The following KIF26B variants were observed in gnomAD, a reference collection of about 807,000 sequenced individuals.
KIF26B encodes kinesin family member 26B.
KIF26B carries 63 observed loss-of-function variants against 151.2 expected under a neutral mutation model. The observed-to-expected ratio is 0.42, with a 90% CI of 0.34 to 0.51. The LOEUF (loss-of-function observed/expected upper bound fraction) is 0.51. KIF26B is among the 20% of genes least tolerant of loss of function. The pLI is 0.07. For missense variants in KIF26B, 2,813 were observed against 2,913.6 expected (o/e 0.97, Z 0.79); for synonymous variants, 1,357 against 1,262.1 (o/e 1.08, Z -1.59).
chr1:245,346,367 G>A (rs572314277), intron 2 of KIF26B, among the ~76,000 whole-genome samples: 236 of 152,172 alleles, frequency 1.6e-3, no homozygotes, highest in African/African-American at 5.4e-3. Context: ...GAACCACCAC[G>A]TTTGGTGCTA....
chr1:245,353,265 G>C (rs977732405), intron 2 of KIF26B, among the ~76,000 whole-genome samples: 1 of 152,128 alleles, frequency 6.6e-6, no homozygotes, highest in African/African-American at 2.4e-5. Flanking sequence ...TCACATACTA[G>C]CTTGGGCTTG....
At chr1:245,422,147 C>T (rs565849290) in intron 4 of KIF26B, among the ~76,000 whole-genome samples, 2 of 152,240 alleles carry the variant, frequency 1.3e-5, no homozygotes, top group East Asian at 3.9e-4. Flanking sequence ...CTATTACTTT[C>T]TGTGCAGTGA....
At position 245,602,841 on chromosome 1, in the gene KIF26B, C is replaced by A; in HGVS notation, c.1557+58C>A. ...CGTTGATGAAAGGGCAACGTTTACTCATTCACAAGGGCCCTTGAGCTGGGA... is the reference window on the plus strand; with the variant it reads ...CGTTGATGAAAGGGCAACGTTTACTAATTCACAAGGGCCCTTGAGCTGGGA... On this transcript the variant is annotated intron_variant, in intron 6 of 14. Coordinates refer to ENST00000407071, the MANE Select transcript of KIF26B (RefSeq NM_018012.4). The surrounding 1 kb of genome is among the most constrained non-coding windows in gnomAD (Gnocchi z 4.5). The A allele has an allele frequency of 6.7e-7, 1 of 1,503,676 alleles. No individual in the cohort carries two copies. The highest frequency in any genetic ancestry group is 1.4e-5 in the African/African-American group (1 of 72,888). 93.1% of individuals were successfully genotyped at this position (1,503,676 alleles called of 1,614,324 possible).
intron 10 of KIF26B, among the ~76,000 whole-genome samples, chr1:245,662,689 AATATATATATAAACC>A (rs1271639548): frequency 1.9e-4 from 4 of 21,016 alleles, no homozygotes; most frequent in Non-Finnish European, 4.6e-4. Flanking sequence ...ATATATATAC[AATATATATATAAACC>A]CAATGATACA....
chr1:245,638,751 T>G (rs916974902), intron 9 of KIF26B, among the ~76,000 whole-genome samples: 4 of 151,894 alleles, frequency 2.6e-5, no homozygotes, highest in Non-Finnish European at 5.9e-5. Context: ...ATTCATATAT[T>G]TTCCTTGATT....
intron 9 of KIF26B, among the ~76,000 whole-genome samples, chr1:245,613,076 G>C (rs920840096): frequency 4.6e-5 from 7 of 152,156 alleles, no homozygotes; most frequent in African/African-American, 1.7e-4. Flanking sequence ...GGGGCTGCTG[G>C]GCTGGCCGGG....
intron 9 of KIF26B, among the ~76,000 whole-genome samples, chr1:245,620,460 C>T (rs1282786028): frequency 2.6e-5 from 4 of 152,014 alleles, no homozygotes; most frequent in Non-Finnish European, 4.4e-5. Context: ...AGTGCAGTGG[C>T]GCTATCTTGG....
chr1:245,357,761 G>A (rs1193701628), intron 2 of KIF26B, among the ~76,000 whole-genome samples: 11 of 152,150 alleles, frequency 7.2e-5, no homozygotes, highest in Non-Finnish European at 2.9e-5. Context: ...ACAGAGGGAG[G>A]CTGGTGCTGG....
At chr1:245,234,844 C>G (rs1463435113) in intron 2 of KIF26B, among the ~76,000 whole-genome samples, 1 of 152,186 alleles carries the variant, frequency 6.6e-6, no homozygotes, top group Non-Finnish European at 1.5e-5. Flanking sequence ...GAATAAAAGC[C>G]TGTTGTGTTA....
At chr1:245,569,585 C>T (rs137881108) in intron 5 of KIF26B, among the ~76,000 whole-genome samples, 1,715 of 151,488 alleles carry the variant, frequency 0.011, 28 homozygotes, top group African/African-American at 0.04. Flanking sequence ...CCAGCCTGGG[C>T]GACACAGCGA....
At chr1:245,156,948 G>C (rs1423350194) in intron 2 of KIF26B, among the ~76,000 whole-genome samples, 1 of 152,222 alleles carries the variant, frequency 6.6e-6, no homozygotes, top group African/African-American at 2.4e-5. Flanking sequence ...GGCCCACGGG[G>C]GAGGCCCCCA....
chr1:245,312,924 G>A (rs1411694429), intron 2 of KIF26B, among the ~76,000 whole-genome samples: 1 of 152,180 alleles, frequency 6.6e-6, no homozygotes, highest in East Asian at 1.9e-4. Context: ...CACTTTGGGA[G>A]GCTGAGGCGG....
chr1:245,248,451 A>G (rs1670377074), intron 2 of KIF26B, among the ~76,000 whole-genome samples: 1 of 152,182 alleles, frequency 6.6e-6, no homozygotes, highest in Non-Finnish European at 1.5e-5. Flanking sequence ...GAAGATACAC[A>G]GGTTTGGCCA....
At chr1:245,248,778 T>C (rs748330410) in intron 2 of KIF26B, among the ~76,000 whole-genome samples, 7 of 152,214 alleles carry the variant, frequency 4.6e-5, no homozygotes, top group Non-Finnish European at 8.8e-5. Context: ...CCAATATCTC[T>C]GACATATATT....
At position 245,612,106 on chromosome 1, in the gene KIF26B, G is replaced by C. The variant is rs1301200287; in HGVS notation, c.2098+130G>C. The C allele has an allele frequency of 4.9e-5, 18 of 369,972 alleles. No individual in the cohort carries two copies. The East Asian group carries it at 9.6e-4, about 20-fold the overall frequency. The allele number at this position is 369,972 out of a possible 1,614,324, so 22.9% of individuals were successfully genotyped here. A position where few individuals can be genotyped will look rare whatever the true frequency, so the allele number is the denominator to read the frequency against. On this transcript the variant is annotated intron_variant, in intron 9 of 14. Coordinates refer to ENST00000407071, the MANE Select transcript of KIF26B (RefSeq NM_018012.4). Reference sequence around the variant, plus strand: ...TGTGTGTGTGTGTGTGTGTGTGTGTGAGAGAGAGAGAGAGAGAGAGAGAGA... The same window carrying C: ...TGTGTGTGTGTGTGTGTGTGTGTGTCAGAGAGAGAGAGAGAGAGAGAGAGA...
At chr1:245,596,059 C>G (rs1391025447) in intron 5 of KIF26B, among the ~76,000 whole-genome samples, 1 of 152,056 alleles carries the variant, frequency 6.6e-6, no homozygotes, top group Non-Finnish European at 1.5e-5. Flanking sequence ...CTCTTTTCTT[C>G]TTTGTTAGTC....
At chr1:245,450,269 T>C (rs1423069182) in intron 4 of KIF26B, among the ~76,000 whole-genome samples, 2 of 152,210 alleles carry the variant, frequency 1.3e-5, no homozygotes, top group African/African-American at 2.4e-5. Flanking sequence ...AACAACATAA[T>C]GATTCCTTCC....
intron 4 of KIF26B, among the ~76,000 whole-genome samples, chr1:245,445,381 C>T (rs907986223): frequency 6.6e-6 from 1 of 152,198 alleles, no homozygotes; most frequent in African/African-American, 2.4e-5. Flanking sequence ...AAAGTGTCCT[C>T]ATCCTTTAGA....
chr1:245,522,072 T>A (rs537780104), intron 4 of KIF26B, among the ~76,000 whole-genome samples: 10 of 152,202 alleles, frequency 6.6e-5, no homozygotes, highest in East Asian at 5.8e-4. Flanking sequence ...GGTTTCACCG[T>A]GTTAGCCAGG....
Sources: gnomAD v4.1 joint callset for allele counts (sites outside exome capture counted in the v4.1 genomes callset) on GRCh38, gnomAD v4.1.1 for gene constraint, Gnocchi (gnomAD v3.1) non-coding constraint, MANE v1.5 for transcripts, NCBI Gene and HGNC (gene_info 2026-07-23, HGNC 2026-07-21) for gene names.